Variants in ESR2 observed in about 807,000 individuals in gnomAD.
The protein encoded by ESR2 is estrogen receptor beta.
Under a neutral mutation model 49.6 loss-of-function variants are expected in ESR2, and 36 were observed. That is an observed-to-expected ratio of 0.73 (90% confidence interval 0.56 to 0.96). The LOEUF (loss-of-function observed/expected upper bound fraction) is 0.96, where lower values mean the gene tolerates loss of function less well. ESR2 is among the 40% of genes least tolerant of loss of function. The probability of loss-of-function intolerance (pLI) is 0.00; values close to 1 mark genes in which losing one functional copy is unlikely to be tolerated. For synonymous variants in ESR2, 320 were observed against 266.1 expected (o/e 1.20, Z -1.97); for missense variants, 714 against 693.0 (o/e 1.03, Z -0.34).
rs751713041 is a variant in ESR2, at chr14:64,282,803, A to G, written c.183T>C (p.Asn61=). 2 of 1,614,208 alleles carry G rather than the reference A, an allele frequency of 1.2e-6. No individual in the cohort carries two copies. The highest frequency in any genetic ancestry group is 1.1e-5 in the South Asian group (1 of 91,086). ...CAGGCCCACCTTCCAAGTTAGTGAC[A>G]TTGCTGGGAATGCTGTAATTCATCA... ...PAVMNYSIPS[N]VTNLEGGPGR... Residue 61 remains asparagine (N), a synonymous_variant, in exon 2 of 9, where the codon AAT becomes AAC. Coordinates refer to ENST00000341099, the MANE Select transcript of ESR2 (RefSeq NM_001437.3).
chr14:64,287,444 G>A (rs1020911448), intron 1 of ESR2, among the ~76,000 whole-genome samples: 1 of 152,320 alleles, frequency 6.6e-6, no homozygotes, highest in African/African-American at 2.4e-5. Flanking sequence ...CCAGAAGGAT[G>A]ATAATTAAAG....
intron 7 of ESR2, 46 bp from the exon 8 acceptor site, chr14:64,235,196 G>C (rs777768479): frequency 6.3e-7 from 1 of 1,584,980 alleles, no homozygotes; most frequent in Non-Finnish European, 8.6e-7. Flanking sequence ...GAGCAAAGGA[G>C]CAGAAGTCGT....
chr14:64,259,042 A>G (rs549565165), intron 5 of ESR2, among the ~76,000 whole-genome samples: 111 of 152,358 alleles, frequency 7.3e-4, no homozygotes, highest in African/African-American at 2.6e-3. Context: ...GCTTTCAGCA[A>G]TAATTAATTT....
Position 64,282,880 on chromosome 14 carries a change from A to C in ESR2, c.106T>G (p.Tyr36Asp), listed in dbSNP as rs766687268. The C allele has an allele frequency of 6.2e-7, 1 of 1,614,244 alleles. No individual in the cohort carries two copies. The highest frequency in any genetic ancestry group is 1.7e-5 in the Admixed American group (1 of 60,036). Residue 36 changes from tyrosine (Y) to aspartate (D), a missense_variant, in exon 2 of 9, where the codon TAT (tyrosine) becomes GAT (aspartate). Transcript: ENST00000341099. Reference protein sequence around the residue: ...EHGSIYIPSSYVDSHHEYPAM... With the variant: ...EHGSIYIPSSDVDSHHEYPAM... Reference sequence around the variant, plus strand: ...GGATATTCATGGTGGCTGTCTACATAGGAGGAAGGTATGTATATGGAGCCG... The same window carrying C: ...GGATATTCATGGTGGCTGTCTACATCGGAGGAAGGTATGTATATGGAGCCG...
rs1209013527 is a variant in ESR2 at position 64,230,667 on chromosome 14, G to A, written c.*2470C>T. Among the ~76,000 whole-genome samples, 1 of 151,752 alleles carries A rather than the reference G, an allele frequency of 6.6e-6. No homozygotes were observed. The highest frequency in any genetic ancestry group is 1.5e-5 in the Non-Finnish European group (1 of 67,990). On this transcript the variant is annotated 3_prime_UTR_variant, in exon 9 of 9. Transcript: ENST00000341099. ...AGTCTTTTGTAGTCAGTCCTGGTGG[G>A]CAGTCACTATGAGACAGGCCTGACA...
chr14:64,241,044 G>T (rs541345876), intron 7 of ESR2, among the ~76,000 whole-genome samples: 1 of 151,422 alleles, frequency 6.6e-6, no homozygotes, highest in African/African-American at 2.4e-5. Context: ...TACTGGGGAG[G>T]CTGAGGCAGG....
intron 1 of ESR2, among the ~76,000 whole-genome samples, chr14:64,331,323 A>G (rs576275208): frequency 6.6e-6 from 1 of 152,354 alleles, no homozygotes; most frequent in South Asian, 2.1e-4. Flanking sequence ...AAAATCCTCA[A>G]TTTGTATGCA....
chr14:64,307,492 C>A (rs1596479429), intron 1 of ESR2, among the ~76,000 whole-genome samples: 1 of 151,984 alleles, frequency 6.6e-6, no homozygotes, highest in Non-Finnish European at 1.5e-5. Context: ...GAATTACAGG[C>A]ATGAGCCACC....
rs2098724768 is a variant in ESR2 at position 64,228,931 on chromosome 14, G to A, written c.*4206C>T. Among the ~76,000 whole-genome samples the A allele has an allele frequency of 2.0e-5, 3 of 152,192 alleles. No homozygotes were observed. Among genetic ancestry groups the A allele is most frequent in the Non-Finnish European group, 2.9e-5 (2 of 68,020 alleles). ...TTCCAGCAAGTTTGAGAGCTATAAA[G>A]AATAAGTGGCACGTGTTTTCACACT... On this transcript the variant is annotated 3_prime_UTR_variant, in exon 9 of 9. Coordinates refer to ENST00000341099, the MANE Select transcript of ESR2 (RefSeq NM_001437.3).
At chr14:64,309,344 G>C (rs1481795632) in intron 1 of ESR2, among the ~76,000 whole-genome samples, 1 of 152,202 alleles carries the variant, frequency 6.6e-6, no homozygotes, top group Non-Finnish European at 1.5e-5. Context: ...GGGTGCAGTG[G>C]CTTATGCCTA....
intron 1 of ESR2, among the ~76,000 whole-genome samples, chr14:64,305,160 G>A (rs531117273): frequency 1.2e-3 from 181 of 150,762 alleles, no homozygotes; most frequent in African/African-American, 4.0e-3. Context: ...GCGTGGTGGC[G>A]GGCGCCTGTA....
intron 1 of ESR2, among the ~76,000 whole-genome samples, chr14:64,305,739 A>G (rs1445952169): frequency 6.6e-6 from 1 of 152,140 alleles, no homozygotes; most frequent in Non-Finnish European, 1.5e-5. Context: ...TCATAATTCT[A>G]CCATTTAATG....
chr14:64,333,659 C>T (rs1056841092), intron 1 of ESR2, among the ~76,000 whole-genome samples: 2 of 152,078 alleles, frequency 1.3e-5, no homozygotes, highest in African/African-American at 4.8e-5. Context: ...GAGAGCCAAA[C>T]AAGAGGGGAA....
intron 1 of ESR2, among the ~76,000 whole-genome samples, chr14:64,312,555 G>A (rs1223515909): frequency 1.3e-5 from 2 of 152,190 alleles, no homozygotes; most frequent in South Asian, 4.1e-4. Context: ...ACAAACCTGA[G>A]AGGGGCGTCT....
chr14:64,227,477 C>T (rs928554), downstream of ESR2: 907,539 of 1,567,086 alleles, frequency 0.58, 268,171 homozygotes, highest in African/African-American at 0.88. Flanking sequence ...CAGAGGGAAA[C>T]TGAAGTGAAA....
upstream of ESR2, among the ~76,000 whole-genome samples, chr14:64,296,786 T>C (rs951403013): frequency 6.6e-6 from 1 of 152,236 alleles, no homozygotes; most frequent in Admixed American, 6.5e-5. Flanking sequence ...CAGAAGCTGT[T>C]TATTATACAA....
At chr14:64,265,942 T>C (rs187775910) in intron 4 of ESR2, among the ~76,000 whole-genome samples, 1 of 151,772 alleles carries the variant, frequency 6.6e-6, no homozygotes, top group Admixed American at 6.6e-5. Context: ...ATAAGAAGAG[T>C]GATGGGAAAG....
intron 1 of ESR2, chr14:64,335,971 ATTTGTGTG>A (rs1409218405): frequency 3.8e-5 from 4 of 105,416 alleles, no homozygotes; most frequent in Admixed American, 1.0e-4. Context: ...CGCCCAGCTA[ATTTGTGTG>A]TGTGTGTGTG....
intron 4 of ESR2, among the ~76,000 whole-genome samples, chr14:64,261,872 C>T (rs889237875): frequency 2.0e-5 from 3 of 152,186 alleles, no homozygotes; most frequent in African/African-American, 4.8e-5. Context: ...CTGCCTCAGC[C>T]TCCTGAGTAG....
Sources: gnomAD v4.1 joint callset for allele counts (sites outside exome capture counted in the v4.1 genomes callset) on GRCh38, gnomAD v4.1.1 for gene constraint, MANE v1.5 for transcripts, NCBI Gene and HGNC (gene_info 2026-07-23, HGNC 2026-07-21) for gene names.